TASP1: variants seen among roughly 807,000 people sequenced by gnomAD.
TASP1 encodes threonine aspartase 1.
TASP1 carries 16 observed loss-of-function variants against 56.6 expected under a neutral mutation model. The observed-to-expected ratio is 0.28, with a 90% CI of 0.19 to 0.43. The LOEUF (loss-of-function observed/expected upper bound fraction) is 0.43, where lower values mean the gene tolerates loss of function less well. Ranked by LOEUF, TASP1 falls within the 20% of genes least tolerant of loss-of-function variation. The pLI is 1.00. For missense variants in TASP1, 393 were observed against 511.6 expected, an observed-to-expected ratio of 0.77 and a Z score of 2.24; for synonymous variants, 179 against 184.2, an observed-to-expected ratio of 0.97 and a Z score of 0.23.
chr20:13,516,266 G>A (rs1461235876), intron 10 of TASP1, among the ~76,000 whole-genome samples: 1 of 152,040 alleles, frequency 6.6e-6, no homozygotes, highest in African/African-American at 2.4e-5. Flanking sequence ...GTCCAGCAAG[G>A]GCCATGAAGC....
the TASP1 span, among the ~76,000 whole-genome samples, chr20:13,269,221 C>T: frequency 6.6e-6 from 1 of 152,292 alleles, no homozygotes; most frequent in East Asian, 1.9e-4. Context: ...CCTTGTCTCT[C>T]TCCACCAGTA....
the TASP1 span, among the ~76,000 whole-genome samples, chr20:13,110,451 C>T: frequency 6.6e-6 from 1 of 152,178 alleles, no homozygotes; most frequent in East Asian, 1.9e-4. Context: ...AAGGCTTCCT[C>T]AGAAATATCC....
chr20:13,299,870 TA>T, the TASP1 span: 1 of 160,418 alleles, frequency 6.2e-6, no homozygotes. This position sits in a 1 kb window ranked among gnomAD's most constrained non-coding sequence, Gnocchi z 5.8. Flanking sequence ...AAATGTGACT[TA>T]ATTAAGCGTA....
the TASP1 span, among the ~76,000 whole-genome samples, chr20:13,282,199 A>G: frequency 1.3e-5 from 2 of 151,918 alleles, no homozygotes; most frequent in East Asian, 3.9e-4. Context: ...TTGAATTGGG[A>G]TCTCTGAATA....
chr20:13,128,320 G>GGT, the TASP1 span, among the ~76,000 whole-genome samples: 2 of 152,138 alleles, frequency 1.3e-5, no homozygotes, highest in Non-Finnish European at 2.9e-5. Flanking sequence ...GGATAAGGGA[G>GGT]GTTTTGCCAC....
At chr20:13,624,927 A>AT (rs2048833007) in intron 3 of TASP1, among the ~76,000 whole-genome samples, 1 of 152,206 alleles carries the variant, frequency 6.6e-6, no homozygotes, top group African/African-American at 2.4e-5. Flanking sequence ...CGTTGCAAAG[A>AT]TTAAAAGAGA....
the TASP1 span, among the ~76,000 whole-genome samples, chr20:13,216,199 C>A: frequency 4.6e-5 from 7 of 152,228 alleles, no homozygotes; most frequent in Admixed American, 4.6e-4. Context: ...CCTAGAATGA[C>A]TTGCTTTTTC....
chr20:13,590,093 ATGG>A (rs1306365460), intron 4 of TASP1, among the ~76,000 whole-genome samples: 2 of 152,086 alleles, frequency 1.3e-5, no homozygotes, highest in African/African-American at 4.8e-5. Flanking sequence ...TCAGCTGGAC[ATGG>A]TGGTGGTCAT....
the TASP1 span, among the ~76,000 whole-genome samples, chr20:13,297,913 T>C: frequency 6.6e-6 from 1 of 152,142 alleles, no homozygotes; most frequent in South Asian, 2.1e-4. Flanking sequence ...TGCCCCGGGC[T>C]CCTTCCTCTT....
chr20:13,354,375 G>C, the TASP1 span, among the ~76,000 whole-genome samples: 3 of 152,148 alleles, frequency 2.0e-5, no homozygotes, highest in Non-Finnish European at 2.9e-5. Flanking sequence ...GAGACTCATT[G>C]AAGTAAAGAG....
chr20:13,340,521 TA>T, the TASP1 span, among the ~76,000 whole-genome samples: 70 of 152,258 alleles, frequency 4.6e-4, 1 homozygote, highest in African/African-American at 1.6e-3. Flanking sequence ...ACCTTTTGGT[TA>T]TTTTTTTATT....
intron 13 of TASP1, among the ~76,000 whole-genome samples, chr20:13,411,214 C>G (rs146829476): frequency 6.6e-6 from 1 of 152,112 alleles, no homozygotes; most frequent in Non-Finnish European, 1.5e-5. Flanking sequence ...GTTTTGGTTA[C>G]TATAGGTTTG....
chr20:13,430,593 C>T (rs537651100), intron 12 of TASP1, among the ~76,000 whole-genome samples: 35 of 152,314 alleles, frequency 2.3e-4, no homozygotes, highest in Admixed American at 2.1e-3. Flanking sequence ...GAGGAAGCCA[C>T]AATGCCTTTT....
the TASP1 span, chr20:13,117,511 A>G: frequency 6.3e-7 from 1 of 1,586,838 alleles, no homozygotes; most frequent in East Asian, 2.2e-5. Context: ...CCTAGCATGG[A>G]AGGTTCCATC....
chr20:13,106,413 G>C, the TASP1 span, among the ~76,000 whole-genome samples: 1 of 152,240 alleles, frequency 6.6e-6, no homozygotes, highest in African/African-American at 2.4e-5. Flanking sequence ...AGTCGGGAGG[G>C]ACACCAAGGA....
At chr20:13,299,519 T>G in the TASP1 span, 1 of 1,463,436 alleles carries the variant, frequency 6.8e-7, no homozygotes, top group East Asian at 2.3e-5. The surrounding 1 kb of genome is among the most constrained non-coding windows in gnomAD (Gnocchi z 5.8). Flanking sequence ...CGTGCTGCAC[T>G]GACGTGCCGA....
the TASP1 span, among the ~76,000 whole-genome samples, chr20:13,233,978 C>A: frequency 6.6e-6 from 1 of 152,140 alleles, no homozygotes; most frequent in East Asian, 1.9e-4. Flanking sequence ...AAAATGTTTA[C>A]TTATATATAT....
At chr20:13,128,958 C>A in the TASP1 span, among the ~76,000 whole-genome samples, 1 of 151,002 alleles carries the variant, frequency 6.6e-6, no homozygotes, top group African/African-American at 2.4e-5. Context: ...CTCACTGCAA[C>A]CTCCGCCTCC....
At chr20:13,167,759 A>G in the TASP1 span, 25 of 152,312 alleles carry the variant, frequency 1.6e-4, no homozygotes, top group East Asian at 4.6e-3. Flanking sequence ...GCTAAAATCC[A>G]TACCCCTAGG....
Sources: gnomAD v4.1 joint callset for allele counts (sites outside exome capture counted in the v4.1 genomes callset) on GRCh38, gnomAD v4.1.1 for gene constraint, Gnocchi (gnomAD v3.1) non-coding constraint, MANE v1.5 for transcripts, NCBI Gene and HGNC (gene_info 2026-07-23, HGNC 2026-07-21) for gene names.